The following CYP27A1 variants were observed in gnomAD, a reference collection of about 807,000 sequenced individuals.
CYP27A1 encodes sterol 26-hydroxylase, mitochondrial.
A neutral mutation model predicts 58.2 loss-of-function variants in CYP27A1; 46 were observed. The ratio of observed to expected loss-of-function variants is 0.79; its 90% CI spans 0.62 to 1.01. The LOEUF (loss-of-function observed/expected upper bound fraction) is 1.01, where lower values mean the gene tolerates loss of function less well. Among genes scored for constraint, CYP27A1 ranks in the 50% least tolerant of loss-of-function variants. CYP27A1 has a pLI of 0.00. For missense variants in CYP27A1, 704 were observed against 687.0 expected, an observed-to-expected ratio of 1.02 and a Z score of -0.28; for synonymous variants, 274 against 285.1, an observed-to-expected ratio of 0.96 and a Z score of 0.39.
chr2:218,783,461 G>A (rs890667068), intron 1 of CYP27A1, among the ~76,000 whole-genome samples: 1 of 152,014 alleles, frequency 6.6e-6, no homozygotes, highest in African/African-American at 2.4e-5. Flanking sequence ...AGAGGATTTA[G>A]GGAATGAACC....
In CYP27A1 at chr2:218,782,450, G is replaced by A. The variant is rs1943401960; in HGVS notation, c.255+13G>A. On this transcript the variant is annotated intron_variant, in intron 1 of 8. Transcript: ENST00000258415. The surrounding 1 kb of genome is among the most constrained non-coding windows in gnomAD (Gnocchi z 4.1). ...GCACCAGTTACAGGTAACCCGCGGG[G>A]GCATCGCGTCCTGGGGATGGGAGTG... is the stretch of plus-strand genomic sequence containing the variant. 1.2e-6 allele frequency: 2 copies of A among 1,614,116 alleles called. No individual in the cohort carries two copies. The highest frequency in any genetic ancestry group is 1.1e-5 in the South Asian group (1 of 91,058).
chr2:218,807,044 C>T (rs957973366), intron 1 of CYP27A1, among the ~76,000 whole-genome samples: 4 of 148,390 alleles, frequency 2.7e-5, no homozygotes, highest in Non-Finnish European at 5.9e-5. Context: ...GTAACCTCCT[C>T]CTCCTCCCGG....
At position 218,813,020 on chromosome 2, in the gene CYP27A1, T is replaced by C. The variant is rs1203857669; in HGVS notation, c.941T>C (p.Leu314Ser). ...CAGGTGTCTGGCTACCTGCACTTCT[T>C]ACTGGCCAGTGGACAGCTCAGTCCT... ...GIQVSGYLHF[L>S]LASGQLSPRE... Residue 314 changes from leucine to serine, a missense_variant, in exon 5 of 9, where the codon TTA (leucine) becomes TCA (serine). By Grantham distance (145) the Leu-to-Ser change is moderately radical. Transcript: ENST00000258415. 6.2e-7 allele frequency: 1 copy of C among 1,614,220 alleles called. No individual in the cohort carries two copies. Among genetic ancestry groups the C allele is most frequent in the Non-Finnish European group, 8.5e-7 (1 of 1,180,032 alleles).
intron 2 of CYP27A1, 40 bp from the exon 3 acceptor site, chr2:218,812,182 T>C (rs1035257826): frequency 4.2e-5 from 65 of 1,536,366 alleles, no homozygotes; most frequent in South Asian, 5.6e-5. Context: ...TGAACCCCCA[T>C]AGAGGCTTAT....
At chr2:218,813,890 A>G (rs1177154383) in intron 5 of CYP27A1, 131 bp from the exon 6 acceptor site, 8 of 964,118 alleles carry the variant, frequency 8.3e-6, no homozygotes, top group Non-Finnish European at 1.1e-5. Flanking sequence ...ATGAACCTGC[A>G]TGTTTTTTCC....
Position 218,812,547 on chromosome 2 carries a change from C to T in CYP27A1, c.647-5C>T, listed in dbSNP as rs771867257. The T allele has an allele frequency of 1.9e-6, 3 of 1,614,198 alleles. No homozygotes were observed. Among genetic ancestry groups the T allele is most frequent in the Non-Finnish European group, 2.5e-6 (3 of 1,180,014 alleles). ...CTCCTGTGATGGCCTCTGTGCACTA[C>T]TCAGCTATTTGCTACATCCTGTTCG... On this transcript the variant is annotated splice_region_variant and splice_polypyrimidine_tract_variant and intron_variant, in intron 3 of 8. Coordinates refer to ENST00000258415, the MANE Select transcript of CYP27A1 (RefSeq NM_000784.4).
chr2:218,805,229 C>A (rs1158870795), intron 1 of CYP27A1, among the ~76,000 whole-genome samples: 1 of 152,162 alleles, frequency 6.6e-6, no homozygotes, highest in Non-Finnish European at 1.5e-5. Flanking sequence ...AAACTCTAGA[C>A]GAGCTACTGT....
In CYP27A1 at chr2:218,802,938, T is replaced by A. The variant is rs573690158; in HGVS notation, c.256-6639T>A. On this transcript the variant is annotated intron_variant, in intron 1 of 8. Coordinates refer to ENST00000258415, the MANE Select transcript of CYP27A1 (RefSeq NM_000784.4). ...AATGTCTATTCAAGTTCTTTGCTTA[T>A]TTAATTAATTAATTTATTTATTTTG... Among the ~76,000 whole-genome samples the A allele has an allele frequency of 8.6e-4, 131 of 152,316 alleles. 2 individuals carry two copies. Among genetic ancestry groups the A allele is most frequent in the African/African-American group, 3.0e-3 (126 of 41,572 alleles).
intron 1 of CYP27A1, among the ~76,000 whole-genome samples, chr2:218,791,681 T>G (rs1225791048): frequency 6.6e-6 from 1 of 152,138 alleles, no homozygotes; most frequent in African/African-American, 2.4e-5. Context: ...GAACCCAAGG[T>G]TCAAGGTCTC....
intron 2 of CYP27A1, among the ~76,000 whole-genome samples, chr2:218,811,629 G>A (rs574512363): frequency 3.3e-5 from 5 of 152,226 alleles, no homozygotes; most frequent in South Asian, 2.1e-4. Context: ...CATCAGCCTC[G>A]TGGGCCTCCC....
At chr2:218,812,458 G>A (rs1297531494) in intron 3 of CYP27A1, 37 bp downstream of exon 3, 2 of 1,612,636 alleles carry the variant, frequency 1.2e-6, no homozygotes, top group Non-Finnish European at 1.7e-6. Context: ...GAAGGGAATG[G>A]GTCAGGGAGA....
rs373870129 is a variant in CYP27A1, at chr2:218,814,650, A to G, written c.1369A>G (p.Thr457Ala). The G allele has an allele frequency of 2.4e-5, 39 of 1,613,844 alleles. No homozygotes were observed. Among genetic ancestry groups the G allele is most frequent in the Non-Finnish European group, 2.9e-5 (34 of 1,179,972 alleles). Residue 457 changes from threonine to alanine, a missense_variant, in exon 8 of 9, where the codon ACC becomes GCC. Physicochemically the swap from Thr to Ala is moderately conservative, Grantham distance 58. Coordinates refer to ENST00000258415, the MANE Select transcript of CYP27A1 (RefSeq NM_000784.4). ...CTGGCTGAGAAACAGCCAGCCTGCTACCCCCAGGATCCAGCACCCATTTGG... is the reference window on the plus strand; with the variant it reads ...CTGGCTGAGAAACAGCCAGCCTGCTGCCCCCAGGATCCAGCACCCATTTGG... Reference protein sequence around the residue: ...HRWLRNSQPATPRIQHPFGSV... With the variant: ...HRWLRNSQPAAPRIQHPFGSV...
intron 1 of CYP27A1, among the ~76,000 whole-genome samples, chr2:218,807,577 A>T (rs1006384551): frequency 4.0e-5 from 6 of 151,302 alleles, no homozygotes; most frequent in African/African-American, 1.5e-4. Context: ...AAGCAGTCTG[A>T]CCCCCTCCGC....
In CYP27A1 at chr2:218,813,006, C is replaced by G; in HGVS notation, c.927C>G (p.Gly309=). Residue 309 remains glycine, a synonymous_variant, in exon 5 of 9, where the codon GGC becomes GGG. Transcript: ENST00000258415. ...AAGPDGIQVS[G]YLHFLLASGQ... ...GGCCAGATGGCATCCAGGTGTCTGG[C>G]TACCTGCACTTCTTACTGGCCAGTG... is the stretch of plus-strand genomic sequence containing the variant. The G allele has an allele frequency of 6.2e-7, 1 of 1,614,210 alleles. No homozygotes were observed.
chr2:218,808,949 A>C (rs1038047623), intron 1 of CYP27A1, among the ~76,000 whole-genome samples: 4 of 151,900 alleles, frequency 2.6e-5, no homozygotes. Context: ...TTTTTTTGTC[A>C]TGTTCTTAGA....
At position 218,813,110 on chromosome 2, in the gene CYP27A1, G is replaced by C. The variant is rs1196582375; in HGVS notation, c.1017+14G>C. 2 of 1,601,566 alleles carry C rather than the reference G, an allele frequency of 1.2e-6. No individual in the cohort carries two copies. Among genetic ancestry groups the C allele is most frequent in the Admixed American group, 1.7e-5 (1 of 58,898 alleles). On this transcript the variant is annotated intron_variant, in intron 5 of 8. Coordinates refer to ENST00000258415, the MANE Select transcript of CYP27A1 (RefSeq NM_000784.4). ...GGAGTGGACACGGTGCGTGAAGGGGGAGGGTGAGACCAGGGGCCCCCAGCT... is the reference window on the plus strand; with the variant it reads ...GGAGTGGACACGGTGCGTGAAGGGGCAGGGTGAGACCAGGGGCCCCCAGCT...
chr2:218,803,987 C>A (rs1197861434), intron 1 of CYP27A1, among the ~76,000 whole-genome samples: 1 of 151,910 alleles, frequency 6.6e-6, no homozygotes, highest in African/African-American at 2.4e-5. Context: ...CCCACCTCGG[C>A]CTCCCAAAGT....
At chr2:218,808,146 C>T (rs1006947389) in intron 1 of CYP27A1, among the ~76,000 whole-genome samples, 1 of 152,104 alleles carries the variant, frequency 6.6e-6, no homozygotes, top group Non-Finnish European at 1.5e-5. Flanking sequence ...TAAATTTGCT[C>T]GTACTTTTGT....
chr2:218,813,898 T>A, intron 5 of CYP27A1, 123 bp from the exon 6 acceptor site: 2 of 1,066,922 alleles, frequency 1.9e-6, no homozygotes, highest in South Asian at 2.7e-5. Flanking sequence ...GCATGTTTTT[T>A]CCTGCTAGGC....
Sources: allele counts gnomAD v4.1 joint callset (sites outside exome capture counted in the v4.1 genomes callset), GRCh38; gene constraint gnomAD v4.1.1; non-coding constraint Gnocchi (gnomAD v3.1); transcripts MANE v1.5; gene names NCBI Gene and HGNC (gene_info 2026-07-23, HGNC 2026-07-21).